NOS2: variants seen among roughly 807,000 people sequenced by gnomAD.
The protein encoded by NOS2 is nitric oxide synthase 2, also known as nitric oxide synthase, inducible.
In NOS2, 96 loss-of-function variants were observed where a neutral mutation model predicts 136.0. That is an observed-to-expected ratio of 0.71 (90% CI 0.60 to 0.84). NOS2 has a LOEUF of 0.84. NOS2 is among the 40% of genes least tolerant of loss of function. NOS2 has a pLI of 0.00. For missense variants in NOS2, 1,237 were observed against 1,496.9 expected, an observed-to-expected ratio of 0.83 and a Z score of 2.87; for synonymous variants, 539 against 587.5, an observed-to-expected ratio of 0.92 and a Z score of 1.20.
At chr17:27,763,044 G>T in intron 21 of NOS2, 39 bp from the exon 22 acceptor site, 2 of 1,402,380 alleles carry the variant, frequency 1.4e-6, no homozygotes, top group African/African-American at 1.4e-5. Context: ...CAGGGCGCCT[G>T]TCCCGCTTTG....
chr17:27,764,915 G>A (rs1205719295), intron 20 of NOS2, among the ~76,000 whole-genome samples: 3 of 152,212 alleles, frequency 2.0e-5, no homozygotes, highest in Non-Finnish European at 2.9e-5. Context: ...TCGTCCCCAC[G>A]TCTCAGGTTC....
At chr17:27,778,383 C>A (rs1165649024) in intron 11 of NOS2, among the ~76,000 whole-genome samples, 1 of 152,116 alleles carries the variant, frequency 6.6e-6, no homozygotes, top group Non-Finnish European at 1.5e-5. Flanking sequence ...TCATTTCTTT[C>A]TTTGAAATGG....
chr17:27,782,847 A>AG, intron 6 of NOS2, 97 bp downstream of exon 6: 1 of 1,241,732 alleles, frequency 8.1e-7, no homozygotes, highest in South Asian at 1.4e-5. Context: ...CTTCAGTCCC[A>AG]GGAGGCCTGG....
At chr17:27,799,189 C>G (rs1055248250) in intron 1 of NOS2, among the ~76,000 whole-genome samples, 2 of 152,186 alleles carry the variant, frequency 1.3e-5, no homozygotes, top group African/African-American at 4.8e-5. Flanking sequence ...CCACCAGACC[C>G]AGCCAGGCTT....
At chr17:27,768,676 G>A (rs979636739) in intron 17 of NOS2, among the ~76,000 whole-genome samples, 1 of 152,248 alleles carries the variant, frequency 6.6e-6, no homozygotes, top group African/African-American at 2.4e-5. Flanking sequence ...CAGTAGTTAA[G>A]AGGTGACCTA....
chr17:27,768,642 A>G (rs1338128793), intron 17 of NOS2, among the ~76,000 whole-genome samples: 1 of 152,220 alleles, frequency 6.6e-6, no homozygotes, highest in East Asian at 1.9e-4. Context: ...CAGGCTCTCT[A>G]TGGCTGTGAG....
Position 27,783,029 on chromosome 17 carries a change from G to A in NOS2, c.545C>T (p.Thr182Met), listed in dbSNP as rs149623743. ...EIETTGTYQL[T>M]GDELIFATKQ... ...GGTGGCGAAGATGAGCTCATCTCCC[G>A]TCAGTTGGTAGGTTCCTGTTGTTTC... The change falls in exon 6 of 27, where the codon ACG becomes ATG. Residue 182 changes from threonine (T) to methionine (M), a missense_variant. Coordinates refer to ENST00000313735, the MANE Select transcript of NOS2 (RefSeq NM_000625.4). 194 of 1,614,186 alleles carry A rather than the reference G, an allele frequency of 1.2e-4. No individual in the cohort carries two copies. In the African/African-American group the frequency reaches 1.9e-3, roughly 16 times the overall value.
At chr17:27,767,562 C>CT in intron 18 of NOS2, 143 bp downstream of exon 18, 1 of 972,646 alleles carries the variant, frequency 1.0e-6, no homozygotes. Flanking sequence ...GTATTATGCC[C>CT]TAACAGGCTC....
In NOS2 at chr17:27,760,726, G is replaced by A. The variant is rs1393979453; in HGVS notation, c.2907C>T (p.Leu969=). 5 of 1,549,966 alleles carry A rather than the reference G, an allele frequency of 3.2e-6. No homozygotes were observed. Among genetic ancestry groups the A allele is most frequent in the Admixed American group, 2.0e-5 (1 of 51,000 alleles). The part of the protein sequence containing the change: ...CFVRNASGFH[L]PEDPSHPCIL... ...TGCAAGGATGGGAGGGATCCTCGGG[G>A]AGGTGGAAGCCGCTGGCACTGAAGA... The change falls in exon 24 of 27, where the codon CTC becomes CTT. Residue 969 remains leucine, a synonymous_variant. Transcript: ENST00000313735.
At chr17:27,789,069 C>G in intron 3 of NOS2, 138 bp from the exon 4 acceptor site, 2 of 1,208,266 alleles carry the variant, frequency 1.7e-6, no homozygotes, top group Non-Finnish European at 2.3e-6. Context: ...GTTTCCAGCC[C>G]CCGGGCGACC....
Position 27,778,739 on chromosome 17 carries a change from T to C in NOS2, c.1232A>G (p.Lys411Arg). The change falls in exon 11 of 27, where the codon AAA (lysine) becomes AGA (arginine). Residue 411 changes from lysine to arginine, a missense_variant. Physicochemically the swap from Lys to Arg is conservative, Grantham distance 26. This residue lies in a region of NOS2 where 440 missense variants were observed against 545.4 expected (regional missense o/e 0.81). Coordinates refer to ENST00000313735, the MANE Select transcript of NOS2 (RefSeq NM_000625.4). ...LETHKLASLW[K>R]DQAVVEINIA... Reference sequence around the variant, plus strand: ...GTTGATCTCAACGACAGCCTGGTCTTTCCAGAGCGAGGCCAGCTTGTGCGT... The same window carrying C: ...GTTGATCTCAACGACAGCCTGGTCTCTCCAGAGCGAGGCCAGCTTGTGCGT... The C allele has an allele frequency of 6.2e-7, 1 of 1,614,224 alleles. No individual in the cohort carries two copies. Among genetic ancestry groups the C allele is most frequent in the South Asian group, 1.1e-5 (1 of 91,080 alleles).
chr17:27,783,377 C>T (rs566314791), intron 5 of NOS2, among the ~76,000 whole-genome samples: 1 of 152,302 alleles, frequency 6.6e-6, no homozygotes, highest in South Asian at 2.1e-4. Context: ...CCTATAAATA[C>T]TACCTAGCCA....
At chr17:27,779,548 G>C (rs1310774057) in intron 9 of NOS2, among the ~76,000 whole-genome samples, 2 of 151,994 alleles carry the variant, frequency 1.3e-5, no homozygotes, top group Non-Finnish European at 2.9e-5. Flanking sequence ...CTTTCCAAGA[G>C]TTGATTCTGA....
chr17:27,797,029 C>T (rs1374408623), intron 2 of NOS2, among the ~76,000 whole-genome samples: 1 of 152,182 alleles, frequency 6.6e-6, no homozygotes. Flanking sequence ...TCCTACCCTG[C>T]ATTCAAGCCC....
intron 21 of NOS2, among the ~76,000 whole-genome samples, 183 bp from the exon 22 acceptor site, chr17:27,763,188 T>A (rs980542658): frequency 6.6e-6 from 1 of 152,204 alleles, no homozygotes; most frequent in Non-Finnish European, 1.5e-5. Flanking sequence ...CTGGAGGAAC[T>A]CAGTCCAGTA....
intron 2 of NOS2, among the ~76,000 whole-genome samples, chr17:27,790,617 T>G (rs1163471186): frequency 1.3e-5 from 2 of 152,216 alleles, no homozygotes; most frequent in African/African-American, 2.4e-5. Flanking sequence ...CCCCCATCAT[T>G]ATTTTAAAAC....
intron 14 of NOS2, among the ~76,000 whole-genome samples, chr17:27,772,079 T>A (rs548744264): frequency 1.3e-5 from 2 of 152,368 alleles, no homozygotes; most frequent in South Asian, 2.1e-4. Context: ...CTGGATTCAT[T>A]GTGAAAGTGT....
Position 27,769,740 on chromosome 17 carries a change from G to A in NOS2, c.1810-156C>T, listed in dbSNP as rs1223780429. Among the ~76,000 whole-genome samples the A allele has an allele frequency of 2.0e-5, 3 of 152,216 alleles. No individual in the cohort carries two copies. In the East Asian group the frequency reaches 5.8e-4, roughly 29 times the overall value. On this transcript the variant is annotated intron_variant, in intron 15 of 26. Coordinates refer to ENST00000313735, the MANE Select transcript of NOS2 (RefSeq NM_000625.4). ...ATGGGGCTACCTGGCCAAGGACCTG[G>A]TTGTCAGCTGACAAGTTTAGCTTGT...
chr17:27,758,884 G>A lies in NOS2; in HGVS notation c.3351C>T (p.Leu1117=). ...GCCCACACACCCACTACTATACCTTGAGCTGAAAGAAATAGTCCTCGACCT... is the reference window on the plus strand; with the variant it reads ...GCCCACACACCCACTACTATACCTTAAGCTGAAAGAAATAGTCCTCGACCT... The part of the protein sequence containing the change: ...EEQVEDYFFQ[L]KSQKRYHEDI... The change falls in exon 26 of 27, where the codon CTC becomes CTT. Residue 1117 remains leucine, a synonymous_variant. Coordinates refer to ENST00000313735, the MANE Select transcript of NOS2 (RefSeq NM_000625.4). 1.3e-6 allele frequency: 2 copies of A among 1,583,120 alleles called. No homozygotes were observed. The highest frequency in any genetic ancestry group is 8.6e-7 in the Non-Finnish European group (1 of 1,164,356).
Sources: gnomAD v4.1 joint callset for allele counts (sites outside exome capture counted in the v4.1 genomes callset) on GRCh38, gnomAD v4.1.1 for gene constraint, gnomAD v4.1.1 regional missense constraint, MANE v1.5 for transcripts, NCBI Gene and HGNC (gene_info 2026-07-23, HGNC 2026-07-21) for gene names.